Variants in TMEM165 observed in about 807,000 individuals in gnomAD.
TMEM165 encodes putative divalent cation/proton antiporter TMEM165.
In TMEM165, 19 loss-of-function variants were observed where a neutral mutation model predicts 30.0. The observed-to-expected ratio is 0.63, with a 90% CI of 0.44 to 0.93. The LOEUF (loss-of-function observed/expected upper bound fraction) is 0.93, where lower values mean the gene tolerates loss of function less well. TMEM165 is among the 40% of genes least tolerant of loss of function. The pLI is 0.00. For missense variants in TMEM165, 340 were observed against 417.0 expected (o/e 0.82, Z 1.61); for synonymous variants, 168 against 162.9 (o/e 1.03, Z -0.24).
intron 1 of TMEM165, among the ~76,000 whole-genome samples, chr4:55,402,124 A>AAAAAAAAAAAAAAAAGAAAC (rs1553885133): frequency 2.0e-5 from 3 of 147,240 alleles, no homozygotes; most frequent in African/African-American, 5.3e-5. Flanking sequence ...GTCTCCAAAA[A>AAAAAAAAAAAAAAAAGAAAC]AAAAAAAGAA....
chr4:55,426,768 A>G (rs1331124128), downstream of TMEM165, among the ~76,000 whole-genome samples: 1 of 152,210 alleles, frequency 6.6e-6, no homozygotes, highest in African/African-American at 2.4e-5. Flanking sequence ...CCAGCACTGT[A>G]GGATGCAGCA....
chr4:55,440,579 A>G (rs997664973), intron 3 of TMEM165, among the ~76,000 whole-genome samples: 2 of 152,200 alleles, frequency 1.3e-5, no homozygotes, highest in African/African-American at 4.8e-5. Context: ...ACAACCAAAT[A>G]CTTTAATGCA....
chr4:55,400,304 AT>A (rs1720928173), intron 1 of TMEM165, among the ~76,000 whole-genome samples: 1 of 104,290 alleles, frequency 9.6e-6, no homozygotes, highest in African/African-American at 3.9e-5. Context: ...ATAATATTAT[AT>A]ATAATATTAA....
At chr4:55,441,254 A>G (rs139922486) in intron 3 of TMEM165, among the ~76,000 whole-genome samples, 6 of 152,312 alleles carry the variant, frequency 3.9e-5, no homozygotes, top group African/African-American at 1.4e-4. Context: ...CCATTACTAA[A>G]AAGTCAAAAA....
At chr4:55,403,239 C>T in intron 1 of TMEM165, 3 of 1,287,574 alleles carry the variant, frequency 2.3e-6, no homozygotes, top group Non-Finnish European at 3.0e-6. Flanking sequence ...TTTGCAGGGA[C>T]ATCAGTTTTT....
chr4:55,424,867 C>G, intron 5 of TMEM165: 1 of 502,440 alleles, frequency 2.0e-6, no homozygotes, highest in Non-Finnish European at 3.5e-6. Context: ...TTCATAGTAG[C>G]TTCTTGTTAA....
chr4:55,440,266 A>G (rs1723249001), intron 3 of TMEM165, among the ~76,000 whole-genome samples: 1 of 152,244 alleles, frequency 6.6e-6, no homozygotes, highest in Non-Finnish European at 1.5e-5. Flanking sequence ...CTCAATTTAT[A>G]AATTCATCAA....
At chr4:55,404,533 C>G (rs1021737092) in intron 1 of TMEM165, among the ~76,000 whole-genome samples, 6 of 151,868 alleles carry the variant, frequency 4.0e-5, no homozygotes, top group Non-Finnish European at 5.9e-5. Context: ...TCAAGTGATC[C>G]TCCCACCTCA....
chr4:55,431,528 A>G (rs1722501151), intron 3 of TMEM165: 1 of 150,946 alleles, frequency 6.6e-6, no homozygotes, highest in Admixed American at 6.6e-5. Context: ...CTACCATTCA[A>G]AAATTCCAAT....
chr4:55,401,369 G>A (rs1156272147), intron 1 of TMEM165, among the ~76,000 whole-genome samples: 1 of 150,450 alleles, frequency 6.6e-6, no homozygotes, highest in African/African-American at 2.5e-5. Context: ...CTCTTTCCCT[G>A]GACAGAATAT....
chr4:55,396,730 A>G (rs1720745854), intron 1 of TMEM165, among the ~76,000 whole-genome samples: 1 of 152,204 alleles, frequency 6.6e-6, no homozygotes, highest in South Asian at 2.1e-4. Context: ...AAAGTTTTTA[A>G]CAGAAGGCTG....
At chr4:55,405,708 T>C (rs770105464) in intron 1 of TMEM165, among the ~76,000 whole-genome samples, 6 of 152,192 alleles carry the variant, frequency 3.9e-5, no homozygotes, top group Non-Finnish European at 7.3e-5. Context: ...CCTTCTCTTA[T>C]TTGTCTTAAC....
chr4:55,402,446 T>TC (rs1721059103), intron 1 of TMEM165, among the ~76,000 whole-genome samples: 4 of 86,434 alleles, frequency 4.6e-5, no homozygotes, highest in African/African-American at 2.2e-4. Context: ...TTTTTTTTTT[T>TC]TTTTTTTTTT....
At chr4:55,439,430 T>C (rs1723162358) in intron 3 of TMEM165, among the ~76,000 whole-genome samples, 1 of 152,162 alleles carries the variant, frequency 6.6e-6, no homozygotes, top group Non-Finnish European at 1.5e-5. Context: ...GTAAAAATGG[T>C]GCAGCCACTA....
rs773519117 is a variant in TMEM165 at position 55,411,599 on chromosome 4, A to T, written c.208-15A>T. 174 of 1,479,510 alleles carry T rather than the reference A, an allele frequency of 1.2e-4. No individual in the cohort carries two copies. Among genetic ancestry groups the T allele is most frequent in the Non-Finnish European group, 1.6e-4 (168 of 1,078,594 alleles). The allele number at this position is 1,479,510 out of a possible 1,614,324, so 91.6% of individuals were successfully genotyped here. A position where few individuals can be genotyped will look rare whatever the true frequency, so the allele number is the denominator to read the frequency against. Reference sequence around the variant, plus strand: ...GAATAATGATTTTAAGAAGTAACTGATTTTTTTTTTCCAGAAAATATTTAC... The same window carrying T: ...GAATAATGATTTTAAGAAGTAACTGTTTTTTTTTTTCCAGAAAATATTTAC... On this transcript the variant is annotated splice_polypyrimidine_tract_variant and intron_variant, in intron 1 of 5. Coordinates refer to ENST00000381334, the MANE Select transcript of TMEM165 (RefSeq NM_018475.5).
intron 4 of TMEM165, chr4:55,424,264 G>C (rs1024347468): frequency 4.6e-6 from 2 of 437,484 alleles, no homozygotes; most frequent in Non-Finnish European, 8.1e-6. Flanking sequence ...AATAACTGCT[G>C]AAAGGTTCGA....
intron 4 of TMEM165, among the ~76,000 whole-genome samples, chr4:55,418,594 T>A (rs561818344): frequency 3.9e-5 from 6 of 152,234 alleles, no homozygotes; most frequent in Non-Finnish European, 7.4e-5. Context: ...ACAGACTACT[T>A]ATAATTATTG....
rs1194989570 is a variant in TMEM165, at chr4:55,448,597, C to T, written c.409-3642C>T. On this transcript the variant is annotated intron_variant, in intron 3 of 3. Transcript: ENST00000608091. ...AATTATATATGTGCGCGCGCGCACG[C>T]GCGCGTGTGTGTGTGTGTGTGTGTG... 1.2e-4 allele frequency among the ~76,000 whole-genome samples: 9 copies of T among 72,928 alleles called. No homozygotes were observed. The South Asian group carries it at 2.0e-3, about 17-fold the overall frequency. 47.8% of individuals were successfully genotyped at this position (72,928 alleles called of 152,430 possible).
At chr4:55,421,524 C>G (rs921129828) in intron 4 of TMEM165, among the ~76,000 whole-genome samples, 4 of 152,056 alleles carry the variant, frequency 2.6e-5, no homozygotes, top group African/African-American at 9.7e-5. Context: ...TCTCGAACTC[C>G]TGAGTTCATG....
Sources: gnomAD v4.1 joint callset for allele counts (sites outside exome capture counted in the v4.1 genomes callset) on GRCh38, gnomAD v4.1.1 for gene constraint, MANE v1.5 for transcripts, NCBI Gene and HGNC (gene_info 2026-07-23, HGNC 2026-07-21) for gene names.